The following NRXN1 variants were observed in gnomAD, a reference collection of about 807,000 sequenced individuals.
NRXN1 encodes neurexin-1.
Under a neutral mutation model 150.9 loss-of-function variants are expected in NRXN1, and 39 were observed. The ratio of observed to expected loss-of-function variants is 0.26; its 90% CI spans 0.20 to 0.34. The LOEUF is 0.34. Ranked by LOEUF, NRXN1 falls within the 10% of genes least tolerant of loss-of-function variation. NRXN1 has a pLI of 1.00. For synonymous variants in NRXN1, 924 were observed against 757.0 expected, an observed-to-expected ratio of 1.22 and a Z score of -3.62; for missense variants, 1,815 against 1,949.9, an observed-to-expected ratio of 0.93 and a Z score of 1.30.
intron 19 of NRXN1, among the ~76,000 whole-genome samples, chr2:50,071,064 A>G (rs1314896907): frequency 6.6e-6 from 1 of 152,222 alleles, no homozygotes; most frequent in East Asian, 1.9e-4. Context: ...TACTAAGGAC[A>G]ATTGGAATTG....
chr2:50,807,546 C>CG (rs1336157532), intron 5 of NRXN1, among the ~76,000 whole-genome samples: 1 of 152,086 alleles, frequency 6.6e-6, no homozygotes, highest in Non-Finnish European at 1.5e-5. Flanking sequence ...TGGAAGATGG[C>CG]GGCCCATGAG....
intron 8 of NRXN1, among the ~76,000 whole-genome samples, chr2:50,566,195 A>G (rs1209696031): frequency 6.6e-6 from 1 of 152,098 alleles, no homozygotes; most frequent in African/African-American, 2.4e-5. Flanking sequence ...GGCCAGCTAC[A>G]TCCACTTTGC....
chr2:50,370,749 G>T (rs1249736654), intron 17 of NRXN1, among the ~76,000 whole-genome samples: 4 of 151,976 alleles, frequency 2.6e-5, no homozygotes, highest in Admixed American at 2.6e-4. Flanking sequence ...TACAAGGGAG[G>T]TGTTATTCAG....
At chr2:50,400,126 C>T (rs1311722620) in intron 17 of NRXN1, among the ~76,000 whole-genome samples, 1 of 151,936 alleles carries the variant, frequency 6.6e-6, no homozygotes, top group African/African-American at 2.4e-5. Context: ...TTCCCTTCAC[C>T]TATTTGTATA....
intron 15 of NRXN1, among the ~76,000 whole-genome samples, chr2:50,492,571 A>G (rs984793820): frequency 6.6e-6 from 1 of 152,160 alleles, no homozygotes; most frequent in Non-Finnish European, 1.5e-5. Context: ...GTCTGAAAAC[A>G]AAAGAAATTC....
chr2:50,238,182 T>C (rs2065654550), intron 17 of NRXN1, among the ~76,000 whole-genome samples: 1 of 152,034 alleles, frequency 6.6e-6, no homozygotes, highest in African/African-American at 2.4e-5. Flanking sequence ...CAATGCATCA[T>C]TCATTGGCCA....
intron 2 of NRXN1, among the ~76,000 whole-genome samples, chr2:50,931,167 A>C (rs1262126441): frequency 6.6e-6 from 1 of 152,058 alleles, no homozygotes; most frequent in Admixed American, 6.6e-5. Flanking sequence ...CACTAATAAG[A>C]CTAATGGTCT....
chr2:50,832,581 T>G (rs936858635), intron 5 of NRXN1, among the ~76,000 whole-genome samples: 94 of 152,132 alleles, frequency 6.2e-4, no homozygotes, highest in African/African-American at 1.9e-3. Context: ...TTGAACCCAG[T>G]AGGCAGAGGT....
chr2:50,354,440 G>A (rs1373223694), intron 17 of NRXN1, among the ~76,000 whole-genome samples: 2 of 151,104 alleles, frequency 1.3e-5, no homozygotes, highest in African/African-American at 4.9e-5. Flanking sequence ...TTAATTGTAG[G>A]GTTGTTGTGA....
chr2:50,429,169 A>G (rs1008453499), intron 17 of NRXN1, among the ~76,000 whole-genome samples: 1 of 152,204 alleles, frequency 6.6e-6, no homozygotes, highest in Non-Finnish European at 1.5e-5. Flanking sequence ...CACAGCTCTC[A>G]TCGACTCCTA....
At chr2:50,360,178 T>C (rs1215947679) in intron 17 of NRXN1, among the ~76,000 whole-genome samples, 1 of 152,188 alleles carries the variant, frequency 6.6e-6, no homozygotes, top group African/African-American at 2.4e-5. Context: ...GTAAAGACCA[T>C]TGGCACTATG....
rs547399575 is a variant in NRXN1, at chr2:49,951,096, T to C, written c.4129-7305A>G. On this transcript the variant is annotated intron_variant, in intron 21 of 22. Coordinates refer to ENST00000401669, the MANE Select transcript of NRXN1 (RefSeq NM_001330078.2). ...TAAAGAAATCACATCTTACTCAGTC[T>C]AACGTTCATTTTTATGTACATTTGA... Among the ~76,000 whole-genome samples, 309 of 152,098 alleles carry C rather than the reference T, an allele frequency of 2.0e-3. 3 individuals carry two copies. Among genetic ancestry groups the C allele is most frequent in the African/African-American group, 7.3e-3 (303 of 41,556 alleles).
At chr2:50,892,455 T>C (rs1439897450) in intron 5 of NRXN1, among the ~76,000 whole-genome samples, 1 of 152,082 alleles carries the variant, frequency 6.6e-6, no homozygotes, top group Non-Finnish European at 1.5e-5. Flanking sequence ...GTATAATATG[T>C]TTTTCCATTC....
intron 17 of NRXN1, among the ~76,000 whole-genome samples, chr2:50,422,527 G>C (rs1391507761): frequency 2.6e-5 from 4 of 152,072 alleles, no homozygotes; most frequent in Non-Finnish European, 4.4e-5. Context: ...ATAATGAACT[G>C]CTTCTCAACT....
intron 5 of NRXN1, 84 bp downstream of exon 5, chr2:50,921,785 C>T: frequency 1.7e-6 from 1 of 594,038 alleles, no homozygotes; most frequent in Non-Finnish European, 2.7e-6. Flanking sequence ...TTACCAATGC[C>T]AAAAGGTCTA....
chr2:50,518,075 G>T (rs147755595), intron 12 of NRXN1, among the ~76,000 whole-genome samples: 1 of 151,946 alleles, frequency 6.6e-6, no homozygotes, highest in Non-Finnish European at 1.5e-5. Flanking sequence ...GACAGACAAG[G>T]ATAAATATCT....
intron 8 of NRXN1, among the ~76,000 whole-genome samples, chr2:50,563,362 T>C (rs1436235771): frequency 5.3e-5 from 8 of 152,234 alleles, no homozygotes; most frequent in African/African-American, 1.4e-4. Context: ...AGTTGGAGGA[T>C]AGATATACAA....
In NRXN1 at chr2:49,951,209, G is replaced by T. The variant is rs569242516; in HGVS notation, c.4129-7418C>A. On this transcript the variant is annotated intron_variant, in intron 21 of 22. Transcript: ENST00000401669. ...GAAATGCACTTTAATTAAGTTATGGGGAAAAGAATAAAACTGAATTTTTGA... is the reference window on the plus strand; with the variant it reads ...GAAATGCACTTTAATTAAGTTATGGTGAAAAGAATAAAACTGAATTTTTGA... 1.6e-4 allele frequency among the ~76,000 whole-genome samples: 24 copies of T among 151,286 alleles called. No individual in the cohort carries two copies. In the South Asian group the frequency reaches 4.8e-3, roughly 30 times the overall value.
At chr2:50,628,605 A>C (rs984779062) in intron 5 of NRXN1, among the ~76,000 whole-genome samples, 1 of 151,794 alleles carries the variant, frequency 6.6e-6, no homozygotes, top group African/African-American at 2.4e-5. Flanking sequence ...TTCTATAAAC[A>C]AATACTAAGC....
Sources: allele counts gnomAD v4.1 joint callset (sites outside exome capture counted in the v4.1 genomes callset), GRCh38; gene constraint gnomAD v4.1.1; transcripts MANE v1.5; gene names NCBI Gene and HGNC (gene_info 2026-07-23, HGNC 2026-07-21).